The following CSMD1 variants were observed in gnomAD, a reference collection of about 807,000 sequenced individuals.
The protein encoded by CSMD1 is CUB and sushi domain-containing protein 1.
Under a neutral mutation model 417.5 loss-of-function variants are expected in CSMD1, and 213 were observed. The observed-to-expected ratio is 0.51, with a 90% CI of 0.46 to 0.57. CSMD1 has a LOEUF of 0.57. Among genes scored for constraint, CSMD1 ranks in the 20% least tolerant of loss-of-function variants. The pLI, the probability that CSMD1 is intolerant of heterozygous loss-of-function variation, is 0.00. For missense variants in CSMD1, 6,923 were observed against 4,529.7 expected (o/e 1.53, Z -15.17); for synonymous variants, 2,862 against 1,736.8 (o/e 1.65, Z -16.11).
rs961359997 is a variant in CSMD1, at chr8:4,179,870, A to G, written c.416-147771T>C. Among the ~76,000 whole-genome samples the G allele has an allele frequency of 6.3e-4, 96 of 152,306 alleles. No homozygotes were observed. The East Asian group carries it at 0.018, about 28-fold the overall frequency. On this transcript the variant is annotated intron_variant, in intron 3 of 69. Coordinates refer to ENST00000635120, the MANE Select transcript of CSMD1 (RefSeq NM_033225.6). The stretch of plus-strand genomic sequence containing the variant: ...CATCAGAGAAATGCAAACCAAAACC[A>G]CAATGAGATACCATCTCACACCAGT...
intron 3 of CSMD1, among the ~76,000 whole-genome samples, chr8:4,176,483 T>C (rs1798047460): frequency 6.6e-6 from 1 of 152,084 alleles, no homozygotes; most frequent in Non-Finnish European, 1.5e-5. Context: ...CCTTCTAACC[T>C]CCTCACTCAC....
chr8:3,877,267 G>A (rs751587904), intron 5 of CSMD1, among the ~76,000 whole-genome samples: 1 of 152,056 alleles, frequency 6.6e-6, no homozygotes, highest in Admixed American at 6.6e-5. Context: ...GTCCTGGTGT[G>A]GCCCTTGATG....
intron 5 of CSMD1, among the ~76,000 whole-genome samples, chr8:3,902,713 T>C (rs1807837760): frequency 6.6e-6 from 1 of 152,102 alleles, no homozygotes; most frequent in Non-Finnish European, 1.5e-5. Context: ...CTGGTACCAG[T>C]CCATGGCCCC....
chr8:4,063,536 G>A (rs558835146), intron 3 of CSMD1, among the ~76,000 whole-genome samples: 6 of 152,184 alleles, frequency 3.9e-5, no homozygotes, highest in Admixed American at 2.0e-4. Flanking sequence ...TTAATACCAA[G>A]AAAAATACTC....
chr8:4,341,023 A>T (rs1358908622), intron 3 of CSMD1, among the ~76,000 whole-genome samples: 1 of 152,114 alleles, frequency 6.6e-6, no homozygotes, highest in Non-Finnish European at 1.5e-5. Flanking sequence ...AGAAAATTAC[A>T]TATTCAACTT....
chr8:3,673,662 G>A (rs545119485), intron 7 of CSMD1, among the ~76,000 whole-genome samples: 23 of 152,230 alleles, frequency 1.5e-4, no homozygotes, highest in African/African-American at 5.1e-4. Flanking sequence ...AAGCATTTAC[G>A]GTGTGAGCTA....
intron 3 of CSMD1, among the ~76,000 whole-genome samples, chr8:4,383,887 A>G (rs993629477): frequency 6.6e-6 from 1 of 152,368 alleles, no homozygotes; most frequent in African/African-American, 2.4e-5. Context: ...ATCTTAAAAT[A>G]TATTTTAGAT....
intron 4 of CSMD1, among the ~76,000 whole-genome samples, chr8:4,008,368 G>A (rs963883121): frequency 6.6e-6 from 1 of 151,634 alleles, no homozygotes; most frequent in Non-Finnish European, 1.5e-5. Flanking sequence ...ATACTAATAA[G>A]CATGAAAATA....
chr8:4,642,297 T>C (rs2130870785), intron 1 of CSMD1, among the ~76,000 whole-genome samples: 1 of 152,310 alleles, frequency 6.6e-6, no homozygotes, highest in African/African-American at 2.4e-5. Flanking sequence ...TTTTCTACTT[T>C]GAAAGCCTGT....
At chr8:4,349,015 C>T (rs1040319227) in intron 3 of CSMD1, among the ~76,000 whole-genome samples, 1 of 152,120 alleles carries the variant, frequency 6.6e-6, no homozygotes, top group African/African-American at 2.4e-5. Flanking sequence ...ATCCAACTGT[C>T]CACACAAGCC....
intron 1 of CSMD1, among the ~76,000 whole-genome samples, chr8:4,703,252 G>C (rs1807701631): frequency 6.6e-6 from 1 of 152,208 alleles, no homozygotes; most frequent in Non-Finnish European, 1.5e-5. Flanking sequence ...CCATGGCAAT[G>C]ATGGTGGAAG....
chr8:4,077,254 C>A (rs1237895402), intron 3 of CSMD1, among the ~76,000 whole-genome samples: 1 of 136,544 alleles, frequency 7.3e-6, no homozygotes, highest in Non-Finnish European at 1.6e-5. Flanking sequence ...ACTGACACCT[C>A]CCACTGTAAA....
chr8:3,964,348 C>T (rs1812530972), intron 5 of CSMD1, among the ~76,000 whole-genome samples: 2 of 152,176 alleles, frequency 1.3e-5, no homozygotes, highest in African/African-American at 4.8e-5. Context: ...CTTATTTGAG[C>T]ACTGGTACAA....
intron 2 of CSMD1, among the ~76,000 whole-genome samples, chr8:4,488,687 G>GGC (rs1554494890): frequency 6.6e-6 from 1 of 151,932 alleles, no homozygotes; most frequent in African/African-American, 2.4e-5. Context: ...ATGGCGGTGG[G>GGC]GGGGGTGAAA....
At chr8:3,348,747 C>T (rs1808184062) in intron 21 of CSMD1, among the ~76,000 whole-genome samples, 1 of 152,154 alleles carries the variant, frequency 6.6e-6, no homozygotes, top group Non-Finnish European at 1.5e-5. Context: ...CTCCCTCTTT[C>T]CCAATGAAGG....
Position 4,270,184 on chromosome 8 carries a change from G to C in CSMD1, c.415+149769C>G, listed in dbSNP as rs1002110705. ...TTGAAGGAGGCAAGCGGTTAGAAAG[G>C]AGTTGACATAGCCGCGTGTTTCCTA... On this transcript the variant is annotated intron_variant, in intron 3 of 69. Coordinates refer to ENST00000635120, the MANE Select transcript of CSMD1 (RefSeq NM_033225.6). Among the ~76,000 whole-genome samples the C allele has an allele frequency of 2.6e-5, 4 of 152,326 alleles. No individual in the cohort carries two copies. In the East Asian group the frequency reaches 7.7e-4, roughly 29 times the overall value.
At chr8:4,788,707 G>C (rs868747996) in intron 1 of CSMD1, 1 of 505,088 alleles carries the variant, frequency 2.0e-6, no homozygotes, top group Admixed American at 3.6e-5. Flanking sequence ...ATGTATTAGT[G>C]AATCAATGCT....
intron 3 of CSMD1, among the ~76,000 whole-genome samples, chr8:4,412,053 G>T (rs1403480480): frequency 6.6e-6 from 1 of 151,688 alleles, no homozygotes; most frequent in Non-Finnish European, 1.5e-5. Context: ...ATCTCAATGT[G>T]CCTCTGATAT....
chr8:3,087,067 C>T (rs879039240), intron 49 of CSMD1, 30 bp downstream of exon 49: 3 of 1,588,442 alleles, frequency 1.9e-6, no homozygotes, highest in Non-Finnish European at 2.6e-6. Flanking sequence ...ACACAGGAAA[C>T]AAGGCTGGGG....
Sources: gnomAD v4.1 joint callset for allele counts (sites outside exome capture counted in the v4.1 genomes callset) on GRCh38, gnomAD v4.1.1 for gene constraint, MANE v1.5 for transcripts, NCBI Gene and HGNC (gene_info 2026-07-23, HGNC 2026-07-21) for gene names.